Variants in CMSS1 observed in about 807,000 individuals in gnomAD.
CMSS1 encodes the protein protein CMSS1.
A neutral mutation model predicts 43.5 loss-of-function variants in CMSS1; 33 were observed. The observed-to-expected ratio is 0.76, with a 90% CI of 0.57 to 1.01. The LOEUF (loss-of-function observed/expected upper bound fraction) is 1.01, where lower values mean the gene tolerates loss of function less well. CMSS1 is among the 50% of genes least tolerant of loss of function. The pLI is 0.00. For missense variants in CMSS1, 313 were observed against 326.4 expected (o/e 0.96, Z 0.32); for synonymous variants, 115 against 117.2 (o/e 0.98, Z 0.12).
rs370231397 is a variant in CMSS1 at position 100,162,284 on chromosome 3, C to A, written c.226-19C>A. 344 of 1,600,302 alleles carry A rather than the reference C, an allele frequency of 2.1e-4. No individual in the cohort carries two copies. Among genetic ancestry groups the A allele is most frequent in the Admixed American group, 3.0e-4 (17 of 57,308 alleles). ...TTTTAAAATATGTCGTCCCATTTTTCTTCTTTCTCATATCTTAGAAGAAAA... is the reference window on the plus strand; with the variant it reads ...TTTTAAAATATGTCGTCCCATTTTTATTCTTTCTCATATCTTAGAAGAAAA... On this transcript the variant is annotated intron_variant, in intron 3 of 9. Coordinates refer to ENST00000421999, the MANE Select transcript of CMSS1 (RefSeq NM_032359.4).
intron 1 of CMSS1, chr3:99,848,839 A>G: frequency 6.2e-7 from 1 of 1,614,080 alleles, no homozygotes; most frequent in South Asian, 1.1e-5. Flanking sequence ...GAGGATGGTT[A>G]TCCTTTGCTT....
At chr3:99,931,139 C>T in intron 1 of CMSS1, 1 of 872,892 alleles carries the variant, frequency 1.1e-6, no homozygotes, top group East Asian at 2.5e-5. Context: ...ACCACAGCCC[C>T]AAAGTCAATC....
intron 1 of CMSS1, among the ~76,000 whole-genome samples, chr3:100,094,285 T>C: frequency 6.6e-6 from 1 of 152,182 alleles, no homozygotes; most frequent in East Asian, 1.9e-4. Context: ...ATTGGATTGT[T>C]CTTTATTGTT....
chr3:99,964,681 A>G (rs976815579), intron 1 of CMSS1, among the ~76,000 whole-genome samples: 11 of 152,150 alleles, frequency 7.2e-5, no homozygotes, highest in African/African-American at 2.7e-4. Flanking sequence ...TATGGCTCAC[A>G]GAGAAGCTGG....
chr3:100,132,977 A>C (rs1429402181), intron 1 of CMSS1, among the ~76,000 whole-genome samples: 1 of 152,126 alleles, frequency 6.6e-6, no homozygotes, highest in Non-Finnish European at 1.5e-5. Context: ...AGTGTTATAC[A>C]GTGTTGATGA....
At chr3:100,040,824 G>A (rs1027586362) in intron 1 of CMSS1, 27 of 152,150 alleles carry the variant, frequency 1.8e-4, no homozygotes, top group African/African-American at 6.5e-4. Context: ...GGATCATTAG[G>A]GCTGCAAAGG....
At position 100,066,522 on chromosome 3, in the gene CMSS1, T is replaced by C. The variant is rs2065667296; in HGVS notation, c.65-80451T>C. 4.0e-5 allele frequency among the ~76,000 whole-genome samples: 3 copies of C among 74,116 alleles called. 1 individual carries two copies. Among genetic ancestry groups the C allele is most frequent in the Non-Finnish European group, 8.9e-5 (3 of 33,646 alleles). 48.6% of individuals were successfully genotyped at this position (74,116 alleles called of 152,430 possible). A position where few individuals can be genotyped will look rare whatever the true frequency, so the allele number is the denominator to read the frequency against. On this transcript the variant is annotated intron_variant, in intron 1 of 9. Coordinates refer to ENST00000421999, the MANE Select transcript of CMSS1 (RefSeq NM_032359.4). ...TGATGTGGAAGGCTTTGCTTCTTTTTTTTTTTTTTTTTTTTTTTTTTTTTT... is the reference window on the plus strand; with the variant it reads ...TGATGTGGAAGGCTTTGCTTCTTTTCTTTTTTTTTTTTTTTTTTTTTTTTT...
chr3:99,853,354 A>G (rs1262375358), intron 1 of CMSS1, among the ~76,000 whole-genome samples: 3 of 152,230 alleles, frequency 2.0e-5, no homozygotes, highest in South Asian at 4.1e-4. Context: ...CAGTTTCACA[A>G]AAGCTTTTAA....
rs1265824558 is a variant in CMSS1, at chr3:99,996,514, C to CA, written c.65-150458dup. Among the ~76,000 whole-genome samples, 4 of 152,176 alleles carry CA rather than the reference C, an allele frequency of 2.6e-5. No homozygotes were observed. The East Asian group carries it at 5.8e-4, about 22-fold the overall frequency. ...ACTTCCACATTTTCGGGTATCTTTTCAGCAATGCCCCACTCCACCAGTACC... is the reference window on the plus strand; with the variant it reads ...ACTTCCACATTTTCGGGTATCTTTTCAAGCAATGCCCCACTCCACCAGTACC... On this transcript the variant is annotated intron_variant, in intron 1 of 9. Coordinates refer to ENST00000421999, the MANE Select transcript of CMSS1 (RefSeq NM_032359.4).
rs982825245 is a variant in CMSS1, at chr3:99,839,404, A to G, written c.64+21361A>G. On this transcript the variant is annotated intron_variant, in intron 1 of 9. Coordinates refer to ENST00000421999, the MANE Select transcript of CMSS1 (RefSeq NM_032359.4). ...TGGTTGAGGAATGAAGGAAGCCTGT[A>G]TCCTAATAGAAGACATTCATGCCTG... 1.3e-5 allele frequency among the ~76,000 whole-genome samples: 2 copies of G among 152,348 alleles called. 1 individual carries two copies. Among genetic ancestry groups the G allele is most frequent in the Admixed American group, 1.3e-4 (2 of 15,310 alleles).
chr3:100,117,854 CATATAT>C (rs58609128), intron 1 of CMSS1, among the ~76,000 whole-genome samples: 3,299 of 90,754 alleles, frequency 0.036, 210 homozygotes, highest in African/African-American at 0.13. Context: ...TATATATATA[CATATAT>C]ATATATATAT....
intron 1 of CMSS1, among the ~76,000 whole-genome samples, chr3:99,952,729 TGAA>T (rs1345650444): frequency 1.3e-5 from 2 of 152,084 alleles, no homozygotes; most frequent in Admixed American, 6.6e-5. Context: ...TAGCTTTGAG[TGAA>T]GAAGGGAAAA....
chr3:100,158,989 CAT>C lies in CMSS1; in HGVS notation c.154-1438_154-1437del, dbSNP rs1176269224. 5.9e-5 allele frequency among the ~76,000 whole-genome samples: 9 copies of C among 152,324 alleles called. No homozygotes were observed. In the East Asian group the frequency reaches 1.5e-3, roughly 26 times the overall value. On this transcript the variant is annotated intron_variant, in intron 2 of 9. Transcript: ENST00000421999. ...AGTATAGTTTAAGGGATCTGCTAAT[CAT>C]ATCCCGGCCTTTGCCTTAGGAACAT...
In CMSS1 at chr3:99,938,068, TGTGTGTGC is replaced by T. The variant is rs796328565; in HGVS notation, c.64+120027_64+120034del. Among the ~76,000 whole-genome samples, 842 of 96,990 alleles carry T rather than the reference TGTGTGTGC, an allele frequency of 8.7e-3. 10 individuals are homozygous for T. The highest frequency in any genetic ancestry group is 0.029 in the African/African-American group (685 of 23,700). The allele number at this position is 96,990 out of a possible 152,430, so 63.6% of individuals were successfully genotyped here. ...CTCAGGAAGTGTGTGTGTGTGTGTG[TGTGTGTGC>T]GCGCGCGCGCGCGCGTGCATGCACA... On this transcript the variant is annotated intron_variant, in intron 1 of 9. Transcript: ENST00000421999.
At chr3:99,971,679 A>G (rs1243840505) in intron 1 of CMSS1, among the ~76,000 whole-genome samples, 1 of 152,212 alleles carries the variant, frequency 6.6e-6, no homozygotes, top group African/African-American at 2.4e-5. Flanking sequence ...ACCTGCTTTC[A>G]TCAGGACCTC....
Position 99,893,162 on chromosome 3 carries a change from C to CTT in CMSS1, c.64+75139_64+75140dup, listed in dbSNP as rs1200176411. ...TCCAGTAACAAAATTGGCATCTAGA[C>CTT]TTTTTTTTTTTTTTTTTTTTTGAGA... On this transcript the variant is annotated intron_variant, in intron 1 of 9. Coordinates refer to ENST00000421999, the MANE Select transcript of CMSS1 (RefSeq NM_032359.4). Among the ~76,000 whole-genome samples the CTT allele has an allele frequency of 4.1e-3, 437 of 107,596 alleles. 6 individuals carry two copies. The highest frequency in any genetic ancestry group is 0.016 in the South Asian group (51 of 3,096). The allele number at this position is 107,596 out of a possible 152,430, so 70.6% of individuals were successfully genotyped here.
chr3:100,062,152 C>G (rs766175020), intron 1 of CMSS1, among the ~76,000 whole-genome samples: 4 of 128,714 alleles, frequency 3.1e-5, no homozygotes, highest in Non-Finnish European at 6.2e-5. Flanking sequence ...TGCTCTGTCC[C>G]CCAGGCTGGA....
chr3:100,080,534 G>A (rs899663285), intron 1 of CMSS1, among the ~76,000 whole-genome samples: 1 of 152,182 alleles, frequency 6.6e-6, no homozygotes, highest in African/African-American at 2.4e-5. Context: ...AGATATAGGT[G>A]ATCTGTGGAC....
intron 1 of CMSS1, among the ~76,000 whole-genome samples, chr3:100,046,154 T>C (rs2065275495): frequency 6.6e-6 from 1 of 152,178 alleles, no homozygotes; most frequent in Non-Finnish European, 1.5e-5. Flanking sequence ...AATAACAGGC[T>C]CATCAAATTT....
Sources: gnomAD v4.1 joint callset for allele counts (sites outside exome capture counted in the v4.1 genomes callset) on GRCh38, gnomAD v4.1.1 for gene constraint, MANE v1.5 for transcripts, NCBI Gene and HGNC (gene_info 2026-07-23, HGNC 2026-07-21) for gene names.